Variants in PLCH2 observed in about 807,000 individuals in gnomAD.
The protein encoded by PLCH2 is 1-phosphatidylinositol 4,5-bisphosphate phosphodiesterase eta-2.
A neutral mutation model predicts 134.7 loss-of-function variants in PLCH2; 98 were observed. The ratio of observed to expected loss-of-function variants is 0.73; its 90% CI spans 0.62 to 0.86. The LOEUF is 0.86. PLCH2 is among the 40% of genes least tolerant of loss of function. The pLI, the probability that PLCH2 is intolerant of heterozygous loss-of-function variation, is 0.00. For missense variants in PLCH2, 1,994 were observed against 1,986.6 expected (o/e 1.00, Z -0.07); for synonymous variants, 974 against 827.5 (o/e 1.18, Z -3.04).
intron 1 of PLCH2, among the ~76,000 whole-genome samples, chr1:2,470,093 G>A (rs1641254585): frequency 6.6e-6 from 1 of 152,228 alleles, no homozygotes; most frequent in African/African-American, 2.4e-5. Flanking sequence ...TGGCCACACT[G>A]TCCTGGGAGT....
Position 2,498,422 on chromosome 1 carries a change from C to T in PLCH2, c.2225-101C>T, listed in dbSNP as rs965994695. On this transcript the variant is annotated intron_variant, in intron 16 of 21. Coordinates refer to ENST00000378486, the MANE Select transcript of PLCH2 (RefSeq NM_014638.4). This position sits in a 1 kb window ranked among gnomAD's most constrained non-coding sequence, Gnocchi z 5.4. ...TCCCCCTGGCACCGGCTCCAGTCTC[C>T]TATGTGGGGGCTGGGGAGGGGGCTG... 38 of 1,388,158 alleles carry T rather than the reference C, an allele frequency of 2.7e-5. No individual in the cohort carries two copies. The highest frequency in any genetic ancestry group is 2.6e-4 in the Middle Eastern group (1 of 3,890). 86.0% of individuals were successfully genotyped at this position (1,388,158 alleles called of 1,614,324 possible).
chr1:2,445,979 G>A (rs907559275), intron 2 of PLCH2, among the ~76,000 whole-genome samples: 5 of 152,178 alleles, frequency 3.3e-5, no homozygotes, highest in Admixed American at 3.3e-4. Context: ...CCTGGCCCGA[G>A]CCCCATGCCA....
chr1:2,450,294 T>C (rs369313464), intron 2 of PLCH2, among the ~76,000 whole-genome samples: 22 of 152,162 alleles, frequency 1.4e-4, no homozygotes, highest in African/African-American at 5.3e-4. Flanking sequence ...TCCCTCCCCG[T>C]GGGCCTCCAG....
In PLCH2 at chr1:2,502,535, G is replaced by A. The variant is rs141214636; in HGVS notation, c.2959+126G>A. On this transcript the variant is annotated intron_variant, in intron 21 of 21. Coordinates refer to ENST00000378486, the MANE Select transcript of PLCH2 (RefSeq NM_014638.4). ...GAAGTGTGTGGTGGGATCCTGCGCCGGCGTGAACACCGGGGGCCTGCAGAG... is the reference window on the plus strand; with the variant it reads ...GAAGTGTGTGGTGGGATCCTGCGCCAGCGTGAACACCGGGGGCCTGCAGAG... 3.8e-3 allele frequency: 3,939 copies of A among 1,033,314 alleles called. 106 individuals carry two copies. The African/African-American group carries it at 0.053, about 14-fold the overall frequency. The allele number at this position is 1,033,314 out of a possible 1,614,324, so 64.0% of individuals were successfully genotyped here. A position where few individuals can be genotyped will look rare whatever the true frequency, so the allele number is the denominator to read the frequency against.
rs1486830971 is a variant in PLCH2, at chr1:2,439,273, G to A, written c.115+8644G>A. The stretch of plus-strand genomic sequence containing the variant: ...CCCCGAGGGTGTCCTCACCCTTCTC[G>A]CTGGCACCAGCCCATGCAGCAAGGT... On this transcript the variant is annotated intron_variant, in intron 2 of 3. Coordinates refer to the PLCH2 transcript ENST00000609981. This position sits in a 1 kb window ranked among gnomAD's most constrained non-coding sequence, Gnocchi z 4.7. 6.6e-6 allele frequency among the ~76,000 whole-genome samples: 1 copy of A among 152,076 alleles called. No homozygotes were observed. Among genetic ancestry groups the A allele is most frequent in the South Asian group, 2.1e-4 (1 of 4,834 alleles).
At chr1:2,471,310 G>A (rs1031486508), upstream of PLCH2, among the ~76,000 whole-genome samples, 17 of 152,222 alleles carry the variant, frequency 1.1e-4, no homozygotes, top group Admixed American at 6.5e-5. Flanking sequence ...CGGGCCAGCT[G>A]GAGAGTGTGG....
intron 4 of PLCH2, among the ~76,000 whole-genome samples, chr1:2,483,678 C>T (rs1459022582): frequency 6.6e-6 from 1 of 152,088 alleles, no homozygotes; most frequent in Non-Finnish European, 1.5e-5. Flanking sequence ...TTATTGCTGC[C>T]ATGGGATTCC....
intron 1 of PLCH2, chr1:2,467,689 G>T (rs1165173149): frequency 2.5e-6 from 1 of 406,438 alleles, no homozygotes. Flanking sequence ...GATCCCAGAA[G>T]GGGGTTGTGA....
chr1:2,476,896 C>T (rs1472967130), intron 1 of PLCH2, among the ~76,000 whole-genome samples, 184 bp downstream of exon 1: 1 of 152,118 alleles, frequency 6.6e-6, no homozygotes, highest in African/African-American at 2.4e-5. Flanking sequence ...CCCTGCCCCT[C>T]AGCCGCTCAG....
In PLCH2 at chr1:2,497,608, G is replaced by C. The variant is rs1004713897; in HGVS notation, c.2223G>C (p.Gln741His). The C allele has an allele frequency of 6.4e-7, 1 of 1,550,880 alleles. No homozygotes were observed. The highest frequency in any genetic ancestry group is 8.7e-7 in the Non-Finnish European group (1 of 1,145,288). ...GYVLKPGCMC[Q>H]GVFNPNSEDP... The stretch of plus-strand genomic sequence containing the variant: ...TACTCAAGCCTGGGTGCATGTGCCA[G>C]GGTGAGGCACTCGGACACTCAGGGC... Residue 741 changes from glutamine to histidine, a missense_variant and splice_region_variant, in exon 16 of 22, where the codon CAG becomes CAC. Physicochemically the swap from Gln to His is conservative, Grantham distance 24. Transcript: ENST00000378486.
intron 1 of PLCH2, among the ~76,000 whole-genome samples, chr1:2,428,585 G>A (rs950967213): frequency 5.9e-5 from 9 of 152,380 alleles, no homozygotes; most frequent in Admixed American, 2.0e-4. Context: ...CCGACGTGGC[G>A]TTGTTGCCTA....
At chr1:2,449,872 C>T (rs1467952242) in intron 2 of PLCH2, among the ~76,000 whole-genome samples, 1 of 152,220 alleles carries the variant, frequency 6.6e-6, no homozygotes, top group Non-Finnish European at 1.5e-5. Flanking sequence ...CTCCCTGGAA[C>T]TCAGTCATTC....
chr1:2,455,716 C>A (rs953473531), intron 2 of PLCH2, among the ~76,000 whole-genome samples: 1 of 152,146 alleles, frequency 6.6e-6, no homozygotes, highest in African/African-American at 2.4e-5. Flanking sequence ...AGGCGGGAGG[C>A]TCCCAGGTGG....
intron 4 of PLCH2, among the ~76,000 whole-genome samples, chr1:2,484,221 A>C (rs912273369): frequency 1.3e-5 from 2 of 152,072 alleles, no homozygotes; most frequent in Non-Finnish European, 2.9e-5. Context: ...GGTGAAAAGC[A>C]TATGGCTTCA....
At chr1:2,490,804 C>T (rs547238325) in intron 10 of PLCH2, among the ~76,000 whole-genome samples, 28 of 152,154 alleles carry the variant, frequency 1.8e-4, no homozygotes, top group African/African-American at 4.8e-4. Context: ...CAGGGGCACC[C>T]GGGGGGCTGC....
chr1:2,483,324 G>T (rs187963148), intron 4 of PLCH2, among the ~76,000 whole-genome samples: 1 of 152,194 alleles, frequency 6.6e-6, no homozygotes, highest in East Asian at 1.9e-4. Context: ...CATCCTCAGT[G>T]GGGGGCCAGG....
At chr1:2,417,933 CAT>C in the PLCH2 span, among the ~76,000 whole-genome samples, 2 of 152,208 alleles carry the variant, frequency 1.3e-5, no homozygotes, top group Non-Finnish European at 2.9e-5. Flanking sequence ...CAGGATGGCA[CAT>C]GTGTGGGGTG....
At chr1:2,442,865 C>T (rs190441199) in intron 2 of PLCH2, among the ~76,000 whole-genome samples, 63 of 152,284 alleles carry the variant, frequency 4.1e-4, no homozygotes, top group African/African-American at 1.4e-3. Context: ...TCTCTGGACA[C>T]AGGCCAGAGC....
intron 5 of PLCH2, 94 bp downstream of exon 5, chr1:2,484,712 G>C: frequency 7.2e-7 from 1 of 1,389,414 alleles, no homozygotes; most frequent in Non-Finnish European, 9.8e-7. Context: ...GTGGTGATGG[G>C]GGAGCTGTCT....
Sources: gnomAD v4.1 joint callset for allele counts (sites outside exome capture counted in the v4.1 genomes callset) on GRCh38, gnomAD v4.1.1 for gene constraint, Gnocchi (gnomAD v3.1) non-coding constraint, MANE v1.5 for transcripts, NCBI Gene and HGNC (gene_info 2026-07-23, HGNC 2026-07-21) for gene names.